The following TC2N variants were observed in gnomAD, a reference collection of about 807,000 sequenced individuals.
The protein encoded by TC2N is tandem C2 domains, nuclear.
TC2N carries 51 observed loss-of-function variants against 61.9 expected under a neutral mutation model. That is an observed-to-expected ratio of 0.82 (90% CI 0.66 to 1.04). The LOEUF is 1.04. Among genes scored for constraint, TC2N ranks in the 50% least tolerant of loss-of-function variants. The pLI is 0.00. For missense variants in TC2N, 556 were observed against 566.7 expected (o/e 0.98, Z 0.19); for synonymous variants, 204 against 192.6 (o/e 1.06, Z -0.49).
Position 91,792,465 on chromosome 14 carries a change from TG to T in TC2N, c.948del (p.Arg317GlyfsTer26), listed in dbSNP as rs1566762375. The T allele has an allele frequency of 6.2e-7, 1 of 1,611,676 alleles. No individual in the cohort carries two copies. The highest frequency in any genetic ancestry group is 1.3e-5 in the African/African-American group (1 of 75,012). On this transcript the variant is annotated frameshift_variant, in exon 9 of 12. Coordinates refer to ENST00000435962, the MANE Select transcript of TC2N (RefSeq NM_001128596.3). LOFTEE classifies it high-confidence loss of function. Reference sequence around the variant, plus strand: ...GAGCATTCTCCAATGGTTTTCTTCCTGGGAGTCTGGGTTTGAATCTTAAATA... The same window carrying T: ...GAGCATTCTCCAATGGTTTTCTTCCTGGAGTCTGGGTTTGAATCTTAAATA... ...RLVFKIQTQTPRKKTIGECSM... is the reference protein window; with the variant it reads ...RLVFKIQTQTXRKKTIGECSM...
intron 1 of TC2N, among the ~76,000 whole-genome samples, chr14:91,825,026 CTTTTTTTTTTT>C (rs5810554): frequency 3.0e-5 from 2 of 66,862 alleles, no homozygotes; most frequent in Admixed American, 2.5e-4. Flanking sequence ...TTTTTCTTTT[CTTTTTTTTTTT>C]TTTTTTTTTT....
intron 1 of TC2N, among the ~76,000 whole-genome samples, chr14:91,851,685 G>A (rs1888379514): frequency 6.6e-6 from 1 of 152,088 alleles, no homozygotes; most frequent in Non-Finnish European, 1.5e-5. Flanking sequence ...CTTCCCAAAT[G>A]CCTATGTAAA....
chr14:91,835,251 T>C (rs1301944568), intron 1 of TC2N, among the ~76,000 whole-genome samples: 1 of 152,180 alleles, frequency 6.6e-6, no homozygotes, highest in African/African-American at 2.4e-5. Context: ...AAAGAGATGA[T>C]AAAAAGCAAA....
Position 91,812,421 on chromosome 14 carries a change from G to T in TC2N, c.192C>A (p.Ser64=). The T allele has an allele frequency of 6.2e-7, 1 of 1,612,484 alleles. No homozygotes were observed. The highest frequency in any genetic ancestry group is 8.5e-7 in the Non-Finnish European group (1 of 1,178,954). The change falls in exon 3 of 12, where the codon TCC becomes TCA. Residue 64 remains serine, a synonymous_variant. Coordinates refer to ENST00000435962, the MANE Select transcript of TC2N (RefSeq NM_001128596.3). ...CTTCTTTGCCATCAGATGGTAATTT[G>T]GAAAGCAAATAATCCTCAGTACAGC... is the stretch of plus-strand genomic sequence containing the variant. ...QLGCTEDYLL[S]KLPSDGKEVP...
At chr14:91,826,319 G>A (rs376478564) in intron 1 of TC2N, among the ~76,000 whole-genome samples, 44 of 139,932 alleles carry the variant, frequency 3.1e-4, no homozygotes, top group South Asian at 6.7e-4. Flanking sequence ...GACCTTGTCT[G>A]AAAAAAAAAA....
intron 1 of TC2N, among the ~76,000 whole-genome samples, chr14:91,820,594 T>C (rs1887201077): frequency 2.0e-5 from 3 of 151,920 alleles, no homozygotes; most frequent in Non-Finnish European, 4.4e-5. Context: ...AACACTATAT[T>C]TGAGATTCTA....
intron 9 of TC2N, among the ~76,000 whole-genome samples, chr14:91,790,224 T>C (rs1885580462): frequency 6.6e-6 from 1 of 152,230 alleles, no homozygotes; most frequent in Admixed American, 6.5e-5. Flanking sequence ...TACCGAAATT[T>C]GAGATGTGAA....
chr14:91,802,668 A>G (rs761275882), intron 3 of TC2N, among the ~76,000 whole-genome samples: 1 of 152,066 alleles, frequency 6.6e-6, no homozygotes, highest in Non-Finnish European at 1.5e-5. Flanking sequence ...TGCCCCATAG[A>G]CAATTCTGTA....
At chr14:91,850,922 C>G (rs1226176964) in intron 1 of TC2N, among the ~76,000 whole-genome samples, 4 of 152,104 alleles carry the variant, frequency 2.6e-5, no homozygotes, top group Non-Finnish European at 5.9e-5. Flanking sequence ...CAGAGCAAGA[C>G]TCCATCTTGG....
chr14:91,800,360 C>A lies in TC2N; in HGVS notation c.482G>T (p.Arg161Met). Residue 161 changes from arginine to methionine, a missense_variant, in exon 5 of 12, where the codon AGG becomes ATG. Physicochemically the swap from Arg to Met is moderately conservative, Grantham distance 91 (BLOSUM62 -1). Coordinates refer to ENST00000435962, the MANE Select transcript of TC2N (RefSeq NM_001128596.3). ...KRLYGSVCDLRTNKLPGSPGL... is the reference protein window; with the variant it reads ...KRLYGSVCDLMTNKLPGSPGL... ...AGGGGAACCGGGAAGTTTGTTCGTCCTTAAATCACAAACTACAAAGGGATA... is the reference window on the plus strand; with the variant it reads ...AGGGGAACCGGGAAGTTTGTTCGTCATTAAATCACAAACTACAAAGGGATA... 6.3e-7 allele frequency: 1 copy of A among 1,595,994 alleles called. No individual in the cohort carries two copies. Among genetic ancestry groups the A allele is most frequent in the South Asian group, 1.1e-5 (1 of 89,096 alleles).
chr14:91,827,137 C>A (rs879441696), intron 1 of TC2N, among the ~76,000 whole-genome samples: 11 of 152,088 alleles, frequency 7.2e-5, no homozygotes, highest in Non-Finnish European at 1.3e-4. Flanking sequence ...CCTACTTGTT[C>A]TCTGTTTCTT....
At chr14:91,825,810 CTTA>C (rs1566781013) in intron 1 of TC2N, among the ~76,000 whole-genome samples, 1 of 152,090 alleles carries the variant, frequency 6.6e-6, no homozygotes, top group African/African-American at 2.4e-5. Flanking sequence ...CTCCATCTGT[CTTA>C]TTCTTTTGTT....
In TC2N at chr14:91,780,374, G is replaced by A. The variant is rs545061061; in HGVS notation, c.*2726C>T. 6.6e-6 allele frequency: 1 copy of A among 152,288 alleles called. No homozygotes were observed. Among genetic ancestry groups the A allele is most frequent in the Non-Finnish European group, 1.5e-5 (1 of 68,014 alleles). 9.4% of individuals were successfully genotyped at this position (152,288 alleles called of 1,614,324 possible). ...TATTTAAACAGAACTTCAGTTTAGG[G>A]TCTTTTCAGACCACAATTATATAAC... On this transcript the variant is annotated 3_prime_UTR_variant, in exon 12 of 12. Coordinates refer to ENST00000435962, the MANE Select transcript of TC2N (RefSeq NM_001128596.3).
rs1885194677 is a variant in TC2N at position 91,782,992 on chromosome 14, C to T, written c.*108G>A. The T allele has an allele frequency of 1.0e-5, 7 of 689,938 alleles. No individual in the cohort carries two copies. The Admixed American group carries it at 1.3e-4, about 13-fold the overall frequency. The allele number at this position is 689,938 out of a possible 1,614,324, so 42.7% of individuals were successfully genotyped here. ...CATTATATACCATAATTATAGCCCC[C>T]ATAAATTGACAAATTTGTTGATTTG... On this transcript the variant is annotated 3_prime_UTR_variant, in exon 12 of 12. Transcript: ENST00000435962.
chr14:91,813,039 T>C (rs1487169840), intron 2 of TC2N, among the ~76,000 whole-genome samples: 1 of 151,794 alleles, frequency 6.6e-6, no homozygotes, highest in Non-Finnish European at 1.5e-5. Context: ...ATGCTATCTG[T>C]AGACTGAAAG....
chr14:91,797,918 T>C lies in TC2N; in HGVS notation c.739-17A>G. The C allele has an allele frequency of 7.0e-7, 1 of 1,429,452 alleles. No individual in the cohort carries two copies. Among genetic ancestry groups the C allele is most frequent in the Non-Finnish European group, 9.7e-7 (1 of 1,025,856 alleles). The allele number at this position is 1,429,452 out of a possible 1,614,324, so 88.5% of individuals were successfully genotyped here. A position where few individuals can be genotyped will look rare whatever the true frequency, so the allele number is the denominator to read the frequency against. Reference sequence around the variant, plus strand: ...ATCTCTGCACTAAAAAAATTAAAAATACAGTTTGAATTTTACAAAGGATCC... The same window carrying C: ...ATCTCTGCACTAAAAAAATTAAAAACACAGTTTGAATTTTACAAAGGATCC... On this transcript the variant is annotated splice_polypyrimidine_tract_variant and intron_variant, in intron 7 of 11. Transcript: ENST00000435962.
chr14:91,797,701 T>G (rs938940444), intron 8 of TC2N, 84 bp downstream of exon 8: 2 of 906,574 alleles, frequency 2.2e-6, no homozygotes, highest in African/African-American at 3.5e-5. Flanking sequence ...GACTTTCTTA[T>G]TCTGACTTGT....
At chr14:91,830,583 A>T (rs1014326414) in intron 1 of TC2N, among the ~76,000 whole-genome samples, 18 of 152,158 alleles carry the variant, frequency 1.2e-4, no homozygotes, top group South Asian at 2.1e-4. Context: ...TAATGGGTAC[A>T]AGGTTTTTTT....
At chr14:91,847,687 G>A (rs1272816739) in intron 1 of TC2N, among the ~76,000 whole-genome samples, 1 of 152,180 alleles carries the variant, frequency 6.6e-6, no homozygotes, top group Non-Finnish European at 1.5e-5. Context: ...ACCCCTTGTG[G>A]AGCAGATATA....
Sources: allele counts gnomAD v4.1 joint callset (sites outside exome capture counted in the v4.1 genomes callset), GRCh38; gene constraint gnomAD v4.1.1; transcripts MANE v1.5; gene names NCBI Gene and HGNC (gene_info 2026-07-23, HGNC 2026-07-21).